ZNF804A: variants seen among roughly 807,000 people sequenced by gnomAD.
The protein encoded by ZNF804A is zinc finger protein 804A.
In ZNF804A, 2 loss-of-function variants were observed where a neutral mutation model predicts 16.5. The ratio of observed to expected loss-of-function variants is 0.12; its 90% CI spans 0.05 to 0.38. The LOEUF (loss-of-function observed/expected upper bound fraction) is 0.38. Ranked by LOEUF, ZNF804A falls within the 10% of genes least tolerant of loss-of-function variation. The pLI is 0.99. For missense variants in ZNF804A, 1,473 were observed against 1,390.7 expected (o/e 1.06, Z -0.94); for synonymous variants, 534 against 489.6 (o/e 1.09, Z -1.20).
chr2:184,759,230 G>T (rs1017666189), intron 1 of ZNF804A, among the ~76,000 whole-genome samples: 1 of 151,170 alleles, frequency 6.6e-6, no homozygotes, highest in African/African-American at 2.4e-5. Context: ...AAAAAATATG[G>T]ACACCTATCT....
intron 1 of ZNF804A, among the ~76,000 whole-genome samples, chr2:184,749,528 A>G (rs1260029004): frequency 2.0e-5 from 3 of 151,380 alleles, no homozygotes; most frequent in African/African-American, 4.8e-5. Flanking sequence ...ACAAAGAGGT[A>G]GAGTTTGACT....
intron 1 of ZNF804A, among the ~76,000 whole-genome samples, chr2:184,757,395 A>G (rs1291884595): frequency 6.6e-6 from 1 of 151,900 alleles, no homozygotes; most frequent in East Asian, 1.9e-4. Context: ...TTCCTTCATC[A>G]TCTCCTGCTT....
rs1017845647 is a variant in ZNF804A, at chr2:184,858,344, A to G, written c.112-8025A>G. On this transcript the variant is annotated intron_variant, in intron 1 of 3. Coordinates refer to ENST00000302277, the MANE Select transcript of ZNF804A (RefSeq NM_194250.2). ...CATGGCGAAACCCCGTCTCTATTAA[A>G]AATATAAAAATTAGCAGGACATGTT... Among the ~76,000 whole-genome samples, 5 of 151,886 alleles carry G rather than the reference A, an allele frequency of 3.3e-5. No individual in the cohort carries two copies. The South Asian group carries it at 1.0e-3, about 32-fold the overall frequency.
At chr2:184,633,705 T>C (rs1395345223) in intron 1 of ZNF804A, among the ~76,000 whole-genome samples, 2 of 152,172 alleles carry the variant, frequency 1.3e-5, no homozygotes, top group African/African-American at 4.8e-5. Flanking sequence ...AATCTATACA[T>C]TTTAGCGTTT....
intron 2 of ZNF804A, among the ~76,000 whole-genome samples, chr2:184,871,517 T>C (rs866013441): frequency 2.7e-5 from 4 of 150,832 alleles, no homozygotes; most frequent in African/African-American, 9.7e-5. Context: ...AACATATATA[T>C]ATATACCAAG....
intron 2 of ZNF804A, among the ~76,000 whole-genome samples, chr2:184,907,863 A>G (rs1413081057): frequency 6.6e-6 from 1 of 152,160 alleles, no homozygotes; most frequent in Non-Finnish European, 1.5e-5. Context: ...AATATAAAAT[A>G]TAGGAAGTTC....
intron 2 of ZNF804A, among the ~76,000 whole-genome samples, chr2:184,925,895 T>A (rs2105839009): frequency 6.6e-6 from 1 of 151,396 alleles, no homozygotes; most frequent in African/African-American, 2.4e-5. Context: ...TGTTTCTGTT[T>A]TAATCTTATC....
chr2:184,784,580 T>C (rs1176741091), intron 1 of ZNF804A, among the ~76,000 whole-genome samples: 1 of 151,946 alleles, frequency 6.6e-6, no homozygotes, highest in East Asian at 1.9e-4. Flanking sequence ...TGTCCCAAGA[T>C]AGTAGCAGAC....
intron 1 of ZNF804A, among the ~76,000 whole-genome samples, chr2:184,782,767 AT>A (rs369282860): frequency 0.09 from 12,019 of 133,328 alleles, 518 homozygotes; most frequent in African/African-American, 0.14. Context: ...TCCAGTAAGG[AT>A]TTTTTTTTTT....
intron 2 of ZNF804A, among the ~76,000 whole-genome samples, chr2:184,923,014 G>T (rs954194639): frequency 2.0e-5 from 3 of 151,816 alleles, no homozygotes; most frequent in South Asian, 4.1e-4. Flanking sequence ...TGTTCCTTTT[G>T]CTTTAGACAA....
chr2:184,788,425 G>A (rs1029131311), intron 1 of ZNF804A, among the ~76,000 whole-genome samples: 9 of 151,998 alleles, frequency 5.9e-5, no homozygotes, highest in Admixed American at 5.9e-4. Context: ...ATTACTTCGG[G>A]TAGAATGGTA....
intron 1 of ZNF804A, among the ~76,000 whole-genome samples, chr2:184,716,796 C>A (rs1015566950): frequency 6.6e-6 from 1 of 152,106 alleles, no homozygotes; most frequent in Admixed American, 6.6e-5. Context: ...TATGTGTGTA[C>A]ACGCAACTGA....
intron 2 of ZNF804A, among the ~76,000 whole-genome samples, chr2:184,870,906 A>C (rs1271984428): frequency 1.3e-5 from 2 of 151,922 alleles, no homozygotes; most frequent in Non-Finnish European, 2.9e-5. Context: ...TAATAGCAAC[A>C]ATTTACATAT....
intron 1 of ZNF804A, among the ~76,000 whole-genome samples, chr2:184,628,423 AT>A (rs1321665702): frequency 6.6e-6 from 1 of 152,198 alleles, no homozygotes. Flanking sequence ...AATTACAAGT[AT>A]TAATAATTAC....
intron 1 of ZNF804A, among the ~76,000 whole-genome samples, chr2:184,738,334 A>G (rs1427768127): frequency 6.6e-6 from 1 of 152,132 alleles, no homozygotes; most frequent in East Asian, 1.9e-4. Context: ...TCCTAGAGTC[A>G]GAAACAGTTG....
chr2:184,761,616 G>A (rs1694037541), intron 1 of ZNF804A, among the ~76,000 whole-genome samples: 1 of 152,096 alleles, frequency 6.6e-6, no homozygotes, highest in Non-Finnish European at 1.5e-5. Flanking sequence ...CAGTCACTGT[G>A]CAATGGACTT....
chr2:184,783,559 T>C (rs1032862588), intron 1 of ZNF804A, among the ~76,000 whole-genome samples: 3 of 151,938 alleles, frequency 2.0e-5, no homozygotes, highest in African/African-American at 7.2e-5. Flanking sequence ...TGAGTCTCTT[T>C]CTGTCTCAGT....
At chr2:184,644,561 A>G (rs774421709) in intron 1 of ZNF804A, among the ~76,000 whole-genome samples, 2 of 151,916 alleles carry the variant, frequency 1.3e-5, no homozygotes, top group Non-Finnish European at 2.9e-5. Context: ...AAACCTGTAT[A>G]GACATTTTAT....
chr2:184,628,504 A>T (rs1691545118), intron 1 of ZNF804A, among the ~76,000 whole-genome samples: 1 of 152,174 alleles, frequency 6.6e-6, no homozygotes, highest in South Asian at 2.1e-4. Flanking sequence ...AAATTTGGAA[A>T]ACAGACATTT....
Sources: gnomAD v4.1 joint callset for allele counts (sites outside exome capture counted in the v4.1 genomes callset) on GRCh38, gnomAD v4.1.1 for gene constraint, MANE v1.5 for transcripts, NCBI Gene and HGNC (gene_info 2026-07-23, HGNC 2026-07-21) for gene names.